GPHN: variants seen among roughly 807,000 people sequenced by gnomAD.
GPHN encodes gephyrin.
GPHN carries 17 observed loss-of-function variants against 95.5 expected under a neutral mutation model. That is an observed-to-expected ratio of 0.18 (90% CI 0.12 to 0.27). The LOEUF is 0.27. GPHN is among the 10% of genes least tolerant of loss of function. The pLI, the probability that GPHN is intolerant of heterozygous loss-of-function variation, is 1.00. For missense variants in GPHN, 660 were observed against 978.1 expected (o/e 0.67, Z 4.34); for synonymous variants, 320 against 322.5 (o/e 0.99, Z 0.08).
intron 1 of GPHN, among the ~76,000 whole-genome samples, chr14:66,558,490 A>C (rs998912756): frequency 6.6e-5 from 10 of 152,160 alleles, no homozygotes; most frequent in African/African-American, 2.2e-4. Context: ...TATCTTATAT[A>C]ATGATATTCA....
At chr14:67,192,131 A>C in the GPHN span, among the ~76,000 whole-genome samples, 1 of 152,254 alleles carries the variant, frequency 6.6e-6, no homozygotes, top group East Asian at 1.9e-4. Context: ...TCCCTGCAAC[A>C]TAGCTCTGCA....
the GPHN span, chr14:67,393,129 G>A: frequency 4.7e-5 from 74 of 1,565,858 alleles, no homozygotes; most frequent in East Asian, 9.0e-5. Flanking sequence ...TGCCCAGCCC[G>A]GCCCTGGGGG....
At chr14:67,536,151 T>C in the GPHN span, among the ~76,000 whole-genome samples, 1 of 152,024 alleles carries the variant, frequency 6.6e-6, no homozygotes, top group African/African-American at 2.4e-5. Flanking sequence ...TTGAGGTTCC[T>C]GCGGCCTAGG....
At chr14:67,518,112 AC>A in the GPHN span, among the ~76,000 whole-genome samples, 52 of 152,330 alleles carry the variant, frequency 3.4e-4, no homozygotes, top group African/African-American at 1.2e-3. Context: ...TGATTCAAGT[AC>A]AGGGTGAAGG....
the GPHN span, among the ~76,000 whole-genome samples, chr14:67,496,391 GTTTTTTTTT>G: frequency 3.3e-4 from 10 of 30,106 alleles, no homozygotes; most frequent in East Asian, 2.4e-3. Flanking sequence ...CTGCTCCGGC[GTTTTTTTTT>G]TTTTTTTTTT....
intron 2 of GPHN, among the ~76,000 whole-genome samples, chr14:66,733,876 G>A (rs570146526): frequency 3.3e-5 from 5 of 152,290 alleles, no homozygotes; most frequent in East Asian, 1.9e-4. Flanking sequence ...AGATATTGTA[G>A]CTGAATCCCA....
chr14:66,628,185 C>G (rs935389215), intron 1 of GPHN, among the ~76,000 whole-genome samples: 6 of 152,048 alleles, frequency 3.9e-5, no homozygotes, highest in African/African-American at 1.4e-4. Context: ...ATGAAAAACA[C>G]CAGTACTTTG....
intron 4 of GPHN, among the ~76,000 whole-genome samples, chr14:66,859,407 C>T (rs1016866135): frequency 6.6e-6 from 1 of 152,230 alleles, no homozygotes; most frequent in East Asian, 1.9e-4. Context: ...ACCAAGACCA[C>T]CAAAGTGGTA....
At chr14:67,558,004 A>T in the GPHN span, among the ~76,000 whole-genome samples, 1 of 152,242 alleles carries the variant, frequency 6.6e-6, no homozygotes, top group Non-Finnish European at 1.5e-5. Flanking sequence ...TTGCCTCCTC[A>T]GAAAACCAGG....
At chr14:67,273,051 T>C in the GPHN span, among the ~76,000 whole-genome samples, 1 of 151,808 alleles carries the variant, frequency 6.6e-6, no homozygotes, top group Non-Finnish European at 1.5e-5. Context: ...AATAGGTGCT[T>C]TCAGTCTGTT....
At chr14:67,322,155 G>A in the GPHN span, among the ~76,000 whole-genome samples, 3 of 152,050 alleles carry the variant, frequency 2.0e-5, no homozygotes, top group Non-Finnish European at 4.4e-5. Context: ...AGACCAGCCT[G>A]GGCAACACGG....
intron 1 of GPHN, among the ~76,000 whole-genome samples, chr14:66,604,540 A>G (rs2062418856): frequency 6.6e-6 from 1 of 152,092 alleles, no homozygotes; most frequent in Admixed American, 6.6e-5. Flanking sequence ...TAAAATATAA[A>G]CTTGTAAGTT....
At chr14:67,000,575 C>T (rs1207940141) in intron 9 of GPHN, among the ~76,000 whole-genome samples, 1 of 151,154 alleles carries the variant, frequency 6.6e-6, no homozygotes, top group Admixed American at 6.6e-5. Flanking sequence ...ATTTTTATGC[C>T]ATTTGTATAC....
chr14:67,725,324 T>C, the GPHN span: 1 of 1,492,454 alleles, frequency 6.7e-7, no homozygotes, highest in Admixed American at 1.8e-5. Context: ...CCCTAGACCA[T>C]CTATGGCCCT....
At chr14:67,647,923 TA>T in the GPHN span, 58 of 946,076 alleles carry the variant, frequency 6.1e-5, no homozygotes, top group Non-Finnish European at 7.5e-5. Flanking sequence ...TTAACAGCTT[TA>T]TTAACAAAGT....
intron 16 of GPHN, among the ~76,000 whole-genome samples, chr14:67,114,314 C>T (rs958996928): frequency 2.6e-4 from 39 of 152,246 alleles, no homozygotes; most frequent in African/African-American, 8.9e-4. Context: ...AACTGGTTGA[C>T]TCAGTGAACT....
At chr14:67,502,753 CAGA>C in the GPHN span, among the ~76,000 whole-genome samples, 1 of 152,226 alleles carries the variant, frequency 6.6e-6, no homozygotes, top group South Asian at 2.1e-4. Context: ...CGCCGGGCCC[CAGA>C]AGGTGATTTC....
the GPHN span, among the ~76,000 whole-genome samples, chr14:67,377,060 ATTAT>A: frequency 3.1e-4 from 47 of 152,260 alleles, 6 homozygotes; most frequent in Admixed American, 2.7e-3. Flanking sequence ...AGTTGGTCCT[ATTAT>A]TTGTCATCTT....
At chr14:67,065,500 G>C (rs1239338398) in intron 11 of GPHN, among the ~76,000 whole-genome samples, 1 of 152,070 alleles carries the variant, frequency 6.6e-6, no homozygotes, top group Non-Finnish European at 1.5e-5. Context: ...TTAACCTTCT[G>C]TCTCGTTGAT....
Sources: gnomAD v4.1 joint callset for allele counts (sites outside exome capture counted in the v4.1 genomes callset) on GRCh38, gnomAD v4.1.1 for gene constraint, MANE v1.5 for transcripts, NCBI Gene and HGNC (gene_info 2026-07-23, HGNC 2026-07-21) for gene names.